TPRG1: variants seen among roughly 807,000 people sequenced by gnomAD.
The protein encoded by TPRG1 is tumor protein p63 regulated 1.
TPRG1 carries 29 observed loss-of-function variants against 29.3 expected under a neutral mutation model. The ratio of observed to expected loss-of-function variants is 0.99; its 90% CI spans 0.74 to 1.35. TPRG1 has a LOEUF of 1.35. TPRG1 is among the 40% of genes most tolerant of loss of function. TPRG1 has a pLI of 0.00. For missense variants in TPRG1, 327 were observed against 335.0 expected (o/e 0.98, Z 0.19); for synonymous variants, 130 against 116.8 (o/e 1.11, Z -0.73).
At chr3:189,257,020 G>A (rs182460034) in intron 4 of TPRG1, among the ~76,000 whole-genome samples, 7 of 152,266 alleles carry the variant, frequency 4.6e-5, no homozygotes, top group Admixed American at 3.3e-4. Context: ...GGTTAATATT[G>A]TTATGTGTGA....
intron 1 of TPRG1, among the ~76,000 whole-genome samples, chr3:189,199,900 A>C (rs956512842): frequency 3.9e-5 from 6 of 152,110 alleles, no homozygotes; most frequent in Admixed American, 2.0e-4. Flanking sequence ...AAAACCAAAA[A>C]CAAACAAACA....
At chr3:189,077,555 G>T (rs1278968384) in intron 4 of TPRG1, among the ~76,000 whole-genome samples, 1 of 152,056 alleles carries the variant, frequency 6.6e-6, no homozygotes, top group Non-Finnish European at 1.5e-5. Context: ...TTTGTTGCGG[G>T]AATGATTATA....
chr3:189,124,950 T>C (rs1023612772), intron 1 of TPRG1, among the ~76,000 whole-genome samples: 2 of 152,212 alleles, frequency 1.3e-5, no homozygotes, highest in African/African-American at 2.4e-5. Flanking sequence ...TTGACCAAAG[T>C]AGTATTAGAT....
chr3:188,999,147 G>A (rs1009233877), intron 1 of TPRG1, among the ~76,000 whole-genome samples: 4 of 152,202 alleles, frequency 2.6e-5, no homozygotes, highest in African/African-American at 9.7e-5. Flanking sequence ...GAGGTGTTGT[G>A]TGGTTGTTCA....
At chr3:189,238,456 C>T (rs1204479660) in intron 3 of TPRG1, among the ~76,000 whole-genome samples, 1 of 152,206 alleles carries the variant, frequency 6.6e-6, no homozygotes, top group Non-Finnish European at 1.5e-5. Context: ...ACACAACACA[C>T]ACTGGGTATT....
rs76670868 is a variant in TPRG1 at position 189,200,136 on chromosome 3, G to A, written c.-9-7240G>A. On this transcript the variant is annotated intron_variant, in intron 1 of 5. Coordinates refer to ENST00000345063, the MANE Select transcript of TPRG1 (RefSeq NM_198485.4). ...TGCTGCTGAGTCGAAGCACTTTATA[G>A]CAGAGCAGAGGACTCTGCCTGGCCC... 1.5e-3 allele frequency among the ~76,000 whole-genome samples: 230 copies of A among 152,308 alleles called. 3 individuals are homozygous for A. The East Asian group carries it at 0.023, about 15-fold the overall frequency.
chr3:189,267,123 A>G (rs1714241719), intron 4 of TPRG1, among the ~76,000 whole-genome samples: 1 of 152,208 alleles, frequency 6.6e-6, no homozygotes, highest in South Asian at 2.1e-4. Context: ...GTTTAGATGT[A>G]TTTAGATATA....
intron 4 of TPRG1, among the ~76,000 whole-genome samples, chr3:189,052,937 GA>G (rs1339369029): frequency 6.6e-6 from 1 of 152,184 alleles, no homozygotes; most frequent in African/African-American, 2.4e-5. Context: ...TTGGGGGGAA[GA>G]GTGAAAGAGG....
At chr3:189,053,313 A>G (rs1013156572) in intron 4 of TPRG1, among the ~76,000 whole-genome samples, 2 of 152,098 alleles carry the variant, frequency 1.3e-5, no homozygotes, top group African/African-American at 2.4e-5. Flanking sequence ...AAGCAGCCCA[A>G]TTTTCTCATA....
In TPRG1 at chr3:189,296,137, A is replaced by G. The variant is rs1309315900; in HGVS notation, c.480-14249A>G. Among the ~76,000 whole-genome samples, 7 of 152,346 alleles carry G rather than the reference A, an allele frequency of 4.6e-5. No individual in the cohort carries two copies. The East Asian group carries it at 1.4e-3, about 29-fold the overall frequency. On this transcript the variant is annotated intron_variant, in intron 4 of 5. Transcript: ENST00000345063. ...TATTTTGCTTTTGCCTTGAGCATTT[A>G]GCCTAAATAAGTCATCAGGAGAGTT...
intron 4 of TPRG1, among the ~76,000 whole-genome samples, chr3:189,246,064 A>G (rs1179270861): frequency 6.6e-6 from 1 of 152,168 alleles, no homozygotes; most frequent in African/African-American, 2.4e-5. Flanking sequence ...TAGCTCTCAT[A>G]ATCCCCATGT....
At chr3:189,148,203 G>C (rs1358672888) in intron 4 of TPRG1, among the ~76,000 whole-genome samples, 1 of 152,144 alleles carries the variant, frequency 6.6e-6, no homozygotes, top group Non-Finnish European at 1.5e-5. Context: ...CTGCCATCTG[G>C]TGGGCACTAC....
intron 4 of TPRG1, among the ~76,000 whole-genome samples, chr3:189,073,922 T>G (rs1245276665): frequency 6.6e-6 from 1 of 152,194 alleles, no homozygotes; most frequent in Admixed American, 6.5e-5. Flanking sequence ...TTACTCTGTA[T>G]TATTTCATGT....
intron 3 of TPRG1, among the ~76,000 whole-genome samples, chr3:189,005,588 T>TA (rs1406444913): frequency 2.6e-5 from 4 of 152,100 alleles, no homozygotes; most frequent in Admixed American, 2.6e-4. Flanking sequence ...AATAATTCCA[T>TA]AAAAAAGAGA....
intron 4 of TPRG1, among the ~76,000 whole-genome samples, chr3:189,056,979 C>G (rs575517739): frequency 1.3e-5 from 2 of 152,300 alleles, no homozygotes; most frequent in East Asian, 3.9e-4. Flanking sequence ...ATCTTGAACT[C>G]ACTTCCCCCT....
intron 3 of TPRG1, 115 bp from the exon 4 acceptor site, chr3:189,238,618 C>G: frequency 1.2e-6 from 1 of 823,646 alleles, no homozygotes; most frequent in South Asian, 2.0e-5. Flanking sequence ...CTCAGCCCCT[C>G]TCTCTTCTGA....
chr3:189,283,931 T>C (rs1717583815), intron 4 of TPRG1, among the ~76,000 whole-genome samples: 1 of 152,232 alleles, frequency 6.6e-6, no homozygotes, highest in African/African-American at 2.4e-5. Context: ...AAATTTACTT[T>C]GCCATTTTTA....
At chr3:189,271,206 G>C (rs1715068699) in intron 4 of TPRG1, among the ~76,000 whole-genome samples, 1 of 152,216 alleles carries the variant, frequency 6.6e-6, no homozygotes, top group Non-Finnish European at 1.5e-5. Flanking sequence ...ACAGTGCCTT[G>C]AAGGGATGGG....
chr3:189,096,675 T>TA (rs1253321652), upstream of TPRG1, among the ~76,000 whole-genome samples: 17 of 152,334 alleles, frequency 1.1e-4, no homozygotes, highest in Admixed American at 9.8e-4. Flanking sequence ...GTGTGAAACG[T>TA]AAAAAATTCA....
Sources: gnomAD v4.1 joint callset for allele counts (sites outside exome capture counted in the v4.1 genomes callset) on GRCh38, gnomAD v4.1.1 for gene constraint, MANE v1.5 for transcripts, NCBI Gene and HGNC (gene_info 2026-07-23, HGNC 2026-07-21) for gene names.